The following SP7 variants were observed in gnomAD, a reference collection of about 807,000 sequenced individuals.
SP7 encodes transcription factor Sp7.
Under a neutral mutation model 27.9 loss-of-function variants are expected in SP7, and 13 were observed. The observed-to-expected ratio is 0.47, with a 90% CI of 0.30 to 0.74. The LOEUF is 0.74. Ranked by LOEUF, SP7 falls within the 30% of genes least tolerant of loss-of-function variation. SP7 has a pLI of 0.06. For synonymous variants in SP7, 219 were observed against 226.7 expected (o/e 0.97, Z 0.31); for missense variants, 525 against 558.0 (o/e 0.94, Z 0.60).
intron 2 of SP7, among the ~76,000 whole-genome samples, chr12:53,329,898 A>G (rs892404470): frequency 3.4e-4 from 52 of 150,940 alleles, no homozygotes; most frequent in Admixed American, 1.7e-3. Context: ...CACCTGGCTA[A>G]TTTTTTTGTA....
At chr12:53,332,303 A>G (rs1045666490) in intron 2 of SP7, among the ~76,000 whole-genome samples, 1 of 152,200 alleles carries the variant, frequency 6.6e-6, no homozygotes, top group Non-Finnish European at 1.5e-5. Flanking sequence ...ATTGGCATTG[A>G]ATAGCAGAAA....
chr12:53,329,456 G>C (rs1348829230), intron 2 of SP7, 36 bp from the exon 3 acceptor site: 1 of 1,590,522 alleles, frequency 6.3e-7, no homozygotes, highest in Non-Finnish European at 8.6e-7. Context: ...AGGGAGAGGG[G>C]AGGAGAGGTA....
At chr12:53,340,532 A>T (rs1044876608), upstream of SP7, among the ~76,000 whole-genome samples, 1 of 152,032 alleles carries the variant, frequency 6.6e-6, no homozygotes, top group African/African-American at 2.4e-5. Context: ...GTCCTGGGGA[A>T]CCCCAGCATC....
chr12:53,341,342 C>T (rs762595791), upstream of SP7, among the ~76,000 whole-genome samples: 53 of 151,976 alleles, frequency 3.5e-4, no homozygotes, highest in Non-Finnish European at 5.9e-5. Context: ...AACAGAAGTG[C>T]CATGGAAGGA....
chr12:53,332,009 C>T lies in SP7; in HGVS notation c.22-2589G>A, dbSNP rs144386858. ...CTCTCTCTAAGGTCCCGTTGACTCC[C>T]AAACTGAGCCACCAAAAGTTTTCTC... On this transcript the variant is annotated intron_variant, in intron 2 of 2. Coordinates refer to ENST00000536324, the MANE Select transcript of SP7 (RefSeq NM_001173467.3). 6.7e-4 allele frequency among the ~76,000 whole-genome samples: 102 copies of T among 152,272 alleles called. 1 individual carries two copies. The Middle Eastern group carries it at 0.027, about 41-fold the overall frequency.
chr12:53,339,861 C>T (rs1283808100), upstream of SP7, among the ~76,000 whole-genome samples: 1 of 152,068 alleles, frequency 6.6e-6, no homozygotes, highest in Non-Finnish European at 1.5e-5. Context: ...TCTCTAAGAG[C>T]CTCATCCAAA....
chr12:53,339,122 C>A (rs946771838), upstream of SP7, among the ~76,000 whole-genome samples: 1 of 152,142 alleles, frequency 6.6e-6, no homozygotes, highest in Non-Finnish European at 1.5e-5. Context: ...AGTATAAACC[C>A]CCTAGGCATC....
chr12:53,335,091 TC>T (rs1371315990), intron 2 of SP7, among the ~76,000 whole-genome samples: 1 of 151,218 alleles, frequency 6.6e-6, no homozygotes, highest in Non-Finnish European at 1.5e-5. Context: ...GCCTACCTCC[TC>T]TCCTCCACAC....
intron 2 of SP7, among the ~76,000 whole-genome samples, chr12:53,333,244 C>T (rs1944726445): frequency 6.6e-6 from 1 of 152,182 alleles, no homozygotes. Context: ...GAGTTCTAAA[C>T]ATGTGTCCCC....
At chr12:53,333,880 C>T (rs923576785) in intron 2 of SP7, among the ~76,000 whole-genome samples, 3 of 151,042 alleles carry the variant, frequency 2.0e-5, no homozygotes, top group African/African-American at 7.4e-5. Flanking sequence ...ATCTCCAGCT[C>T]ACAGGAGTGA....
upstream of SP7, among the ~76,000 whole-genome samples, chr12:53,337,119 C>G (rs972051222): frequency 6.6e-6 from 1 of 152,206 alleles, no homozygotes; most frequent in Non-Finnish European, 1.5e-5. Flanking sequence ...ATGCCCTAAC[C>G]TCCATATTCC....
intron 2 of SP7, among the ~76,000 whole-genome samples, chr12:53,331,540 A>G (rs1944705926): frequency 6.6e-6 from 1 of 151,538 alleles, no homozygotes; most frequent in Non-Finnish European, 1.5e-5. Context: ...TACCAGGCCA[A>G]ACCACTCTCA....
In SP7 at chr12:53,328,281, G is replaced by C; in HGVS notation, c.1161C>G (p.Gly387=). ...GEPGPGPPPS[G]PKELGEGRST... is the part of the protein sequence containing the mutation. ...TGCGGCCCTCCCCCAGCTCCTTGGG[G>C]CCACTGGGAGGGGGACCCGGGCCTG... Residue 387 remains glycine, a synonymous_variant, in exon 3 of 3, where the codon GGC becomes GGG. Transcript: ENST00000536324. The surrounding 1 kb of genome is among the most constrained non-coding windows in gnomAD (Gnocchi z 5.1). The C allele has an allele frequency of 6.2e-7, 1 of 1,611,116 alleles. No individual in the cohort carries two copies.
At position 53,328,432 on chromosome 12, in the gene SP7, C is replaced by A. The variant is rs750133209; in HGVS notation, c.1010G>T (p.Arg337Leu). The A allele has an allele frequency of 1.2e-6, 2 of 1,613,936 alleles. No individual in the cohort carries two copies. The highest frequency in any genetic ancestry group is 1.1e-5 in the South Asian group (1 of 91,086). Residue 337 changes from arginine (R) to leucine (L), a missense_variant, in exon 3 of 3, where the codon CGT becomes CTT. Physicochemically the swap from Arg to Leu is moderately radical, Grantham distance 102. Coordinates refer to ENST00000536324, the MANE Select transcript of SP7 (RefSeq NM_001173467.3). This position sits in a 1 kb window ranked among gnomAD's most constrained non-coding sequence, Gnocchi z 5.1. ...NWLFCGKRFT[R>L]SDELERHVRT... Reference sequence around the variant, plus strand: ...CACATGACGCTCCAGCTCATCCGAACGAGTGAACCTCTTGCCGCAGAAGAG... The same window carrying A: ...CACATGACGCTCCAGCTCATCCGAAAGAGTGAACCTCTTGCCGCAGAAGAG...
chr12:53,330,917 G>A (rs994889078), intron 2 of SP7, among the ~76,000 whole-genome samples: 1 of 152,242 alleles, frequency 6.6e-6, no homozygotes, highest in African/African-American at 2.4e-5. Flanking sequence ...CTGCCGCCAA[G>A]CCCAAACTGT....
chr12:53,328,605 C>T lies in SP7; in HGVS notation c.837G>A (p.Glu279=). 6.2e-7 allele frequency: 1 copy of T among 1,610,522 alleles called. No homozygotes were observed. The highest frequency in any genetic ancestry group is 8.5e-7 in the Non-Finnish European group (1 of 1,177,406). The change falls in exon 3 of 3, where the codon GAG becomes GAA. Residue 279 remains glutamate (E), a synonymous_variant. Coordinates refer to ENST00000536324, the MANE Select transcript of SP7 (RefSeq NM_001173467.3). This position sits in a 1 kb window ranked among gnomAD's most constrained non-coding sequence, Gnocchi z 5.1. ...SCDCPNCQEL[E]RLGAAAAGLR... ...GCCCAGCCGCTGCTGCTCCCAGCCG[C>T]TCTAGCTCCTGGCAATTAGGGCAGT...
In SP7 at chr12:53,328,239, C is replaced by T; in HGVS notation, c.1203G>A (p.Glu401=). ...LGEGRSTGEE[E]ASQTPRPSAS... is the part of the protein sequence containing the mutation. ...CAGAAGGTCGGGGCGTCTGACTGGC[C>T]TCCTCTTCCCCCGTGCTGCGGCCCT... is the stretch of plus-strand genomic sequence containing the variant. The change falls in exon 3 of 3, where the codon GAG becomes GAA. Residue 401 remains glutamate, a synonymous_variant. Transcript: ENST00000536324. The surrounding 1 kb of genome is among the most constrained non-coding windows in gnomAD (Gnocchi z 5.1). 1 of 1,612,776 alleles carries T rather than the reference C, an allele frequency of 6.2e-7. No individual in the cohort carries two copies. Among genetic ancestry groups the T allele is most frequent in the East Asian group, 2.2e-5 (1 of 44,882 alleles).
upstream of SP7, among the ~76,000 whole-genome samples, chr12:53,339,951 G>A (rs1480379434): frequency 6.6e-6 from 1 of 152,020 alleles, no homozygotes; most frequent in Non-Finnish European, 1.5e-5. Flanking sequence ...AGTGAGCAGA[G>A]CCCCTGAAAT....
chr12:53,335,364 A>G (rs1944754869), intron 2 of SP7, among the ~76,000 whole-genome samples: 1 of 147,518 alleles, frequency 6.8e-6, no homozygotes, highest in Non-Finnish European at 1.5e-5. Flanking sequence ...GACCTTAGGT[A>G]GGGGTCCATG....
Sources: gnomAD v4.1 joint callset for allele counts (sites outside exome capture counted in the v4.1 genomes callset) on GRCh38, gnomAD v4.1.1 for gene constraint, Gnocchi (gnomAD v3.1) non-coding constraint, MANE v1.5 for transcripts, NCBI Gene and HGNC (gene_info 2026-07-23, HGNC 2026-07-21) for gene names.